Variants in FAM241A observed in about 807,000 individuals in gnomAD.
FAM241A encodes family with sequence similarity 241 member A.
A neutral mutation model predicts 12.2 loss-of-function variants in FAM241A; 7 were observed. That is an observed-to-expected ratio of 0.58 (90% CI 0.33 to 1.08). The LOEUF is 1.08. FAM241A is among the 50% of genes least tolerant of loss of function. The pLI is 0.04. For synonymous variants in FAM241A, 74 were observed against 68.2 expected (o/e 1.08, Z -0.42); for missense variants, 161 against 169.7 (o/e 0.95, Z 0.29).
At chr4:112,175,146 G>T (rs1723794085) in intron 1 of FAM241A, among the ~76,000 whole-genome samples, 1 of 152,028 alleles carries the variant, frequency 6.6e-6, no homozygotes, top group Admixed American at 6.5e-5. Flanking sequence ...ACTAGATTTT[G>T]GAAAATAGGA....
At chr4:112,162,563 G>T (rs1488616446) in intron 1 of FAM241A, among the ~76,000 whole-genome samples, 1 of 152,124 alleles carries the variant, frequency 6.6e-6, no homozygotes, top group African/African-American at 2.4e-5. Context: ...ATTCACAGTT[G>T]CTTCAAAGAG....
At chr4:112,175,628 T>C (rs1337670685) in intron 1 of FAM241A, among the ~76,000 whole-genome samples, 1 of 151,372 alleles carries the variant, frequency 6.6e-6, no homozygotes, top group Non-Finnish European at 1.5e-5. Flanking sequence ...ATTAGCTAGG[T>C]GTGGTGGCAG....
intron 1 of FAM241A, among the ~76,000 whole-genome samples, chr4:112,152,575 C>G (rs967502025): frequency 2.0e-5 from 3 of 152,158 alleles, no homozygotes; most frequent in African/African-American, 7.2e-5. Flanking sequence ...CTTTCTCACA[C>G]ATTCCTTTTC....
At chr4:112,147,067 T>G (rs972283118) in intron 1 of FAM241A, among the ~76,000 whole-genome samples, 19 of 152,206 alleles carry the variant, frequency 1.2e-4, no homozygotes, top group African/African-American at 4.1e-4. Context: ...CAAAGTAAAT[T>G]TTCAAATAGT....
At chr4:112,161,218 T>G (rs1723460474) in intron 1 of FAM241A, among the ~76,000 whole-genome samples, 1 of 152,152 alleles carries the variant, frequency 6.6e-6, no homozygotes, top group Non-Finnish European at 1.5e-5. Context: ...AGGAAAGATC[T>G]GAAATTGACA....
At chr4:112,179,401 C>A (rs1560585261) in intron 1 of FAM241A, among the ~76,000 whole-genome samples, 3 of 152,098 alleles carry the variant, frequency 2.0e-5, no homozygotes, top group African/African-American at 4.8e-5. Context: ...AGTTCATGTG[C>A]TTTGTAGGGA....
In FAM241A at chr4:112,182,958, C is replaced by CT. The variant is rs200053226; in HGVS notation, c.154-3722dup. Among the ~76,000 whole-genome samples, 776 of 143,438 alleles carry CT rather than the reference C, an allele frequency of 5.4e-3. 3 individuals carry two copies. Among genetic ancestry groups the CT allele is most frequent in the African/African-American group, 0.013 (494 of 39,416 alleles). The allele number at this position is 143,438 out of a possible 152,430, so 94.1% of individuals were successfully genotyped here. ...ATTGATCATTTTCCTTTTCCACGTT[C>CT]TTTTTTTTTTTTTCTTTTGCCTGCC... On this transcript the variant is annotated intron_variant, in intron 1 of 1. Transcript: ENST00000309733.
At chr4:112,186,605 T>C (rs1016735774) in intron 1 of FAM241A, 88 bp from the exon 2 acceptor site, 4 of 1,236,600 alleles carry the variant, frequency 3.2e-6, no homozygotes, top group Non-Finnish European at 3.4e-6. Context: ...TGCCCAGCAC[T>C]TTGGAAGATG....
chr4:112,192,074 G>A lies in FAM241A; in HGVS notation c.*5136G>A, dbSNP rs1724177607. 1 of 152,128 alleles carries A rather than the reference G, an allele frequency of 6.6e-6. No homozygotes were observed. Among genetic ancestry groups the A allele is most frequent in the Non-Finnish European group, 1.5e-5 (1 of 68,026 alleles). The allele number at this position is 152,128 out of a possible 1,614,324, so 9.4% of individuals were successfully genotyped here. A position where few individuals can be genotyped will look rare whatever the true frequency, so the allele number is the denominator to read the frequency against. ...CAAAAGTATACTTACTGTGCACAAA[G>A]AGCATGGGTTGATGTATACATTATA... On this transcript the variant is annotated 3_prime_UTR_variant, in exon 2 of 2. Coordinates refer to ENST00000309733, the MANE Select transcript of FAM241A (RefSeq NM_152400.3).
At chr4:112,147,909 A>G (rs1444964644) in intron 1 of FAM241A, among the ~76,000 whole-genome samples, 1 of 152,052 alleles carries the variant, frequency 6.6e-6, no homozygotes, top group East Asian at 1.9e-4. Flanking sequence ...TGGCACGCTC[A>G]CTTCGTGTTC....
chr4:112,171,557 A>G lies in FAM241A; in HGVS notation c.154-15136A>G, dbSNP rs1209269973. 50 of 737,232 alleles carry G rather than the reference A, an allele frequency of 6.8e-5. 1 individual carries two copies. Among genetic ancestry groups the G allele is most frequent in the South Asian group, 5.4e-4 (39 of 72,142 alleles). 45.7% of individuals were successfully genotyped at this position (737,232 alleles called of 1,614,324 possible). ...TGTCATCTTTTGTTTTATTATGAAG[A>G]CTATAAAATCTTGAGTTTATGGCCG... On this transcript the variant is annotated intron_variant, in intron 1 of 1. Transcript: ENST00000309733.
At position 112,186,958 on chromosome 4, in the gene FAM241A, G is replaced by A. The variant is rs761042195; in HGVS notation, c.*20G>A. The A allele has an allele frequency of 2.5e-6, 4 of 1,603,010 alleles. No homozygotes were observed. The highest frequency in any genetic ancestry group is 3.4e-6 in the Non-Finnish European group (4 of 1,173,298). ...CAGTAAAACATGGCCGAATTGAATT[G>A]TTTGACATTTGGTAGCCATATATGT... On this transcript the variant is annotated 3_prime_UTR_variant, in exon 2 of 2. Transcript: ENST00000309733.
In FAM241A at chr4:112,190,198, A is replaced by G. The variant is rs1253027544; in HGVS notation, c.*3260A>G. On this transcript the variant is annotated 3_prime_UTR_variant, in exon 2 of 2. Coordinates refer to ENST00000309733, the MANE Select transcript of FAM241A (RefSeq NM_152400.3). ...TACAGAATGATAGAGGAAAAATTACAGTATAAGTAAAGGTCTGTTGTAATA... is the reference window on the plus strand; with the variant it reads ...TACAGAATGATAGAGGAAAAATTACGGTATAAGTAAAGGTCTGTTGTAATA... The G allele has an allele frequency of 6.8e-6, 1 of 147,988 alleles. No individual in the cohort carries two copies. Among genetic ancestry groups the G allele is most frequent in the Non-Finnish European group, 1.5e-5 (1 of 66,688 alleles). The allele number at this position is 147,988 out of a possible 1,614,324, so 9.2% of individuals were successfully genotyped here.
At chr4:112,179,943 ATGTGTGTGTG>A (rs35177969) in intron 1 of FAM241A, among the ~76,000 whole-genome samples, 2 of 129,508 alleles carry the variant, frequency 1.5e-5, no homozygotes, top group African/African-American at 5.8e-5. Flanking sequence ...ATATATGTAT[ATGTGTGTGTG>A]TGTGTGTATA....
At chr4:112,163,706 G>T (rs1208074082) in intron 1 of FAM241A, among the ~76,000 whole-genome samples, 1 of 152,248 alleles carries the variant, frequency 6.6e-6, no homozygotes, top group African/African-American at 2.4e-5. Flanking sequence ...CTTTTCCGCT[G>T]TTGGTTGGAT....
At position 112,190,291 on chromosome 4, in the gene FAM241A, G is replaced by A. The variant is rs1475071270; in HGVS notation, c.*3353G>A. The stretch of plus-strand genomic sequence containing the variant: ...AGGCTATTCGTGTGGTTCATAGATT[G>A]TTTTAATAGTTATTTTACAAATGTT... On this transcript the variant is annotated 3_prime_UTR_variant, in exon 2 of 2. Transcript: ENST00000309733. The A allele has an allele frequency of 6.6e-6, 1 of 152,106 alleles. No homozygotes were observed. The allele number at this position is 152,106 out of a possible 1,614,324, so 9.4% of individuals were successfully genotyped here.
At chr4:112,159,373 A>G (rs773015645) in intron 1 of FAM241A, among the ~76,000 whole-genome samples, 3 of 152,174 alleles carry the variant, frequency 2.0e-5, no homozygotes, top group African/African-American at 7.2e-5. Flanking sequence ...CTTTGTGGAA[A>G]GATAGGAGGA....
chr4:112,155,603 C>A (rs1230248815), intron 1 of FAM241A, among the ~76,000 whole-genome samples: 2 of 151,710 alleles, frequency 1.3e-5, no homozygotes, highest in Non-Finnish European at 2.9e-5. Flanking sequence ...TAATTTATAT[C>A]ATTTTTTAAC....
intron 1 of FAM241A, among the ~76,000 whole-genome samples, chr4:112,176,974 G>C (rs570706003): frequency 1.3e-5 from 2 of 152,180 alleles, no homozygotes; most frequent in Non-Finnish European, 2.9e-5. Context: ...AAGTCTTATG[G>C]GTTTGCTTAT....
Sources: allele counts gnomAD v4.1 joint callset (sites outside exome capture counted in the v4.1 genomes callset), GRCh38; gene constraint gnomAD v4.1.1; transcripts MANE v1.5; gene names NCBI Gene and HGNC (gene_info 2026-07-23, HGNC 2026-07-21).